Variants in TRIQK observed in about 807,000 individuals in gnomAD.
TRIQK encodes triple QxxK/R motif containing.
Under a neutral mutation model 10.8 loss-of-function variants are expected in TRIQK, and 10 were observed. The observed-to-expected ratio is 0.92, with a 90% CI of 0.57 to 1.57. The LOEUF (loss-of-function observed/expected upper bound fraction) is 1.57, where lower values mean the gene tolerates loss of function less well. Among genes scored for constraint, TRIQK ranks in the 40% most tolerant of loss-of-function variants. The probability of loss-of-function intolerance (pLI) is 0.00; values close to 1 mark genes in which losing one functional copy is unlikely to be tolerated. For synonymous variants in TRIQK, 33 were observed against 33.7 expected (o/e 0.98, Z 0.07); for missense variants, 107 against 97.7 (o/e 1.09, Z -0.40).
intron 1 of TRIQK, among the ~76,000 whole-genome samples, chr8:92,956,367 G>A (rs1272666065): frequency 6.6e-6 from 1 of 151,730 alleles, no homozygotes; most frequent in Admixed American, 6.6e-5. Flanking sequence ...AAATAGATTA[G>A]TGGTTGCTTA....
intron 2 of TRIQK, among the ~76,000 whole-genome samples, chr8:92,925,762 G>A (rs530649100): frequency 3.9e-5 from 6 of 152,264 alleles, no homozygotes; most frequent in Middle Eastern, 3.4e-3. Context: ...TGGAGCAACT[G>A]AAATTTCTGG....
rs899414759 is a variant in TRIQK, at chr8:92,942,390, G to A, written c.-22+12016C>T. Among the ~76,000 whole-genome samples the A allele has an allele frequency of 2.3e-4, 35 of 152,112 alleles. No homozygotes were observed. The East Asian group carries it at 3.7e-3, about 16-fold the overall frequency. ...TCAACAAATTAGATATAGAAGGTAC[G>A]CACCTCAACACAATCAAGGCCATAT... On this transcript the variant is annotated intron_variant, in intron 2 of 4. Coordinates refer to ENST00000521988, the MANE Select transcript of TRIQK (RefSeq NM_001171797.2).
At chr8:92,988,710 T>A (rs959688145) in intron 1 of TRIQK, among the ~76,000 whole-genome samples, 3 of 152,184 alleles carry the variant, frequency 2.0e-5, no homozygotes, top group African/African-American at 7.2e-5. Context: ...GGCCCGCATA[T>A]CAGTTTTGTT....
At chr8:92,956,346 A>G (rs963237386) in intron 1 of TRIQK, among the ~76,000 whole-genome samples, 1 of 151,482 alleles carries the variant, frequency 6.6e-6, no homozygotes, top group African/African-American at 2.4e-5. Flanking sequence ...GGGAAGGTCA[A>G]TAGAGAAAGA....
chr8:92,931,142 A>G (rs1057513953), intron 2 of TRIQK, among the ~76,000 whole-genome samples: 5 of 152,182 alleles, frequency 3.3e-5, no homozygotes, highest in Non-Finnish European at 5.9e-5. Context: ...TGTTAATTGC[A>G]TTTGACTAAG....
At chr8:92,906,809 C>T (rs1225331925) in intron 3 of TRIQK, among the ~76,000 whole-genome samples, 2 of 150,540 alleles carry the variant, frequency 1.3e-5, no homozygotes, top group Non-Finnish European at 2.9e-5. Flanking sequence ...AGGAGAATGG[C>T]GTGAACCTGG....
At chr8:92,957,318 A>G (rs1033297467) in intron 1 of TRIQK, among the ~76,000 whole-genome samples, 1 of 151,840 alleles carries the variant, frequency 6.6e-6, no homozygotes, top group African/African-American at 2.4e-5. Flanking sequence ...TACATAAAAT[A>G]TATGTATATT....
At chr8:92,923,142 A>G (rs547039193) in intron 2 of TRIQK, among the ~76,000 whole-genome samples, 7 of 151,806 alleles carry the variant, frequency 4.6e-5, no homozygotes, top group African/African-American at 1.4e-4. Flanking sequence ...ACTGTCAATG[A>G]CTCAGACATG....
chr8:92,948,588 G>A (rs913520303), intron 2 of TRIQK, among the ~76,000 whole-genome samples: 12 of 152,082 alleles, frequency 7.9e-5, no homozygotes, highest in African/African-American at 2.9e-4. Context: ...ATATTTAAAA[G>A]GTTTTTTCTT....
chr8:92,968,896 A>G (rs1033343037), upstream of TRIQK, among the ~76,000 whole-genome samples: 1 of 152,132 alleles, frequency 6.6e-6, no homozygotes, highest in Admixed American at 6.5e-5. Flanking sequence ...CCCGAATGAT[A>G]TTGCCTAGGT....
intron 3 of TRIQK, among the ~76,000 whole-genome samples, chr8:92,896,173 G>A (rs1352800674): frequency 6.6e-6 from 1 of 152,190 alleles, no homozygotes; most frequent in Non-Finnish European, 1.5e-5. Context: ...TTGGGACTCT[G>A]TTTCTCACAT....
At chr8:92,976,284 TTTC>T (rs1452187121) in intron 1 of TRIQK, among the ~76,000 whole-genome samples, 4 of 152,046 alleles carry the variant, frequency 2.6e-5, no homozygotes, top group African/African-American at 4.8e-5. Context: ...AATTTGTGCA[TTTC>T]TTCTTGAAGT....
chr8:92,973,099 G>C (rs1269085347), intron 1 of TRIQK: 1 of 152,172 alleles, frequency 6.6e-6, no homozygotes, highest in Non-Finnish European at 1.5e-5. Flanking sequence ...TGTGAGGTAA[G>C]CCTGTTATCA....
chr8:92,927,169 G>T (rs1363861127), intron 2 of TRIQK, among the ~76,000 whole-genome samples: 1 of 152,052 alleles, frequency 6.6e-6, no homozygotes, highest in Non-Finnish European at 1.5e-5. Flanking sequence ...CTATCTGATT[G>T]CAAATAATAT....
chr8:92,960,291 C>G (rs1032524629), intron 1 of TRIQK, among the ~76,000 whole-genome samples: 1 of 152,052 alleles, frequency 6.6e-6, no homozygotes, highest in Non-Finnish European at 1.5e-5. Flanking sequence ...CTTTATTCTC[C>G]ATATATCATC....
At chr8:92,911,229 A>T (rs1439529626) in intron 3 of TRIQK, among the ~76,000 whole-genome samples, 1 of 151,348 alleles carries the variant, frequency 6.6e-6, no homozygotes, top group Non-Finnish European at 1.5e-5. Context: ...ACCACAAAGA[A>T]AAAAAACTAA....
chr8:93,013,129 T>C (rs1239127615), intron 1 of TRIQK, among the ~76,000 whole-genome samples: 3 of 152,292 alleles, frequency 2.0e-5, no homozygotes, highest in South Asian at 2.1e-4. Context: ...ACTACCACTA[T>C]GAAAACTTTG....
chr8:92,931,757 T>C (rs1810738811), intron 2 of TRIQK, among the ~76,000 whole-genome samples: 2 of 152,054 alleles, frequency 1.3e-5, no homozygotes, highest in South Asian at 4.2e-4. Flanking sequence ...GCCCCATTCA[T>C]TACAGCAAGA....
At chr8:92,894,958 C>T (rs1263175449) in intron 3 of TRIQK, among the ~76,000 whole-genome samples, 1 of 152,056 alleles carries the variant, frequency 6.6e-6, no homozygotes, top group Non-Finnish European at 1.5e-5. Context: ...TAATGTGTCC[C>T]CCAAAATTCA....
Sources: allele counts gnomAD v4.1 joint callset (sites outside exome capture counted in the v4.1 genomes callset), GRCh38; gene constraint gnomAD v4.1.1; transcripts MANE v1.5; gene names NCBI Gene and HGNC (gene_info 2026-07-23, HGNC 2026-07-21).